AKAP6: variants seen among roughly 807,000 people sequenced by gnomAD.
AKAP6 encodes the protein A-kinase anchoring protein 6, also known as A-kinase anchor protein 6.
Under a neutral mutation model 188.5 loss-of-function variants are expected in AKAP6, and 58 were observed. The observed-to-expected ratio is 0.31, with a 90% CI of 0.25 to 0.38. The LOEUF (loss-of-function observed/expected upper bound fraction) is 0.38, where lower values mean the gene tolerates loss of function less well. Ranked by LOEUF, AKAP6 falls within the 10% of genes least tolerant of loss-of-function variation. The pLI is 1.00. For synonymous variants in AKAP6, 989 were observed against 998.6 expected (o/e 0.99, Z 0.18); for missense variants, 2,710 against 2,740.0 (o/e 0.99, Z 0.24).
At chr14:32,669,798 G>T (rs1436230887) in intron 7 of AKAP6, among the ~76,000 whole-genome samples, 1 of 152,088 alleles carries the variant, frequency 6.6e-6, no homozygotes, top group Non-Finnish European at 1.5e-5. Flanking sequence ...GAAGTGCCGA[G>T]CAAAAGGGGA....
At chr14:32,707,922 G>A (rs754426307) in intron 9 of AKAP6, among the ~76,000 whole-genome samples, 10 of 151,932 alleles carry the variant, frequency 6.6e-5, no homozygotes, top group Non-Finnish European at 1.3e-4. Context: ...AAAGTAGTAG[G>A]GAAAGAATAA....
chr14:32,557,981 A>G (rs1320458520), intron 4 of AKAP6, among the ~76,000 whole-genome samples: 1 of 152,086 alleles, frequency 6.6e-6, no homozygotes, highest in Non-Finnish European at 1.5e-5. Context: ...ATTACCATTC[A>G]AACTGGAGCC....
chr14:32,467,083 C>G (rs1294552090), intron 2 of AKAP6, among the ~76,000 whole-genome samples: 1 of 151,170 alleles, frequency 6.6e-6, no homozygotes, highest in Non-Finnish European at 1.5e-5. Context: ...GATGGAAAAA[C>G]TACCTGTTGG....
intron 1 of AKAP6, among the ~76,000 whole-genome samples, chr14:32,387,196 A>G (rs914674144): frequency 5.3e-5 from 8 of 152,004 alleles, no homozygotes; most frequent in African/African-American, 1.9e-4. Context: ...TTCTGGAGGA[A>G]TCTTTAGGAT....
intron 1 of AKAP6, among the ~76,000 whole-genome samples, chr14:32,370,054 A>G (rs939594150): frequency 6.6e-6 from 1 of 152,330 alleles, no homozygotes; most frequent in East Asian, 1.9e-4. Context: ...ACAAAAAATT[A>G]TAACCTCCTA....
rs1161911271 is a variant in AKAP6, at chr14:32,795,186, G to C, written c.3588+21293G>C. Among the ~76,000 whole-genome samples the C allele has an allele frequency of 2.6e-5, 4 of 152,266 alleles. No homozygotes were observed. In the East Asian group the frequency reaches 5.8e-4, roughly 22 times the overall value. On this transcript the variant is annotated intron_variant, in intron 12 of 13. Transcript: ENST00000280979. ...AAGCCCAGGACCATTTGGATTCACA[G>C]CTGAATTCTACCAGAGGTACAAAGA...
intron 12 of AKAP6, among the ~76,000 whole-genome samples, chr14:32,798,922 T>G (rs1327100374): frequency 2.6e-5 from 4 of 152,164 alleles, no homozygotes; most frequent in Non-Finnish European, 4.4e-5. Flanking sequence ...AATGGGAGGT[T>G]TAAATGAATT....
intron 1 of AKAP6, among the ~76,000 whole-genome samples, chr14:32,387,762 T>C (rs1000682002): frequency 6.6e-6 from 1 of 151,530 alleles, no homozygotes; most frequent in African/African-American, 2.4e-5. Flanking sequence ...TTGTTAAGGA[T>C]TGTAGCATCT....
At chr14:32,470,656 C>T (rs1056517170) in intron 2 of AKAP6, among the ~76,000 whole-genome samples, 3 of 152,108 alleles carry the variant, frequency 2.0e-5, no homozygotes, top group Non-Finnish European at 4.4e-5. Context: ...TATTTAAGTT[C>T]GGTATGATAG....
intron 5 of AKAP6, among the ~76,000 whole-genome samples, chr14:32,583,858 G>A (rs966847119): frequency 3.3e-5 from 5 of 152,320 alleles, no homozygotes; most frequent in South Asian, 4.1e-4. Flanking sequence ...GGAGTGACCT[G>A]ATTTTCCAGG....
rs184563907 is a variant in AKAP6 at position 32,529,029 on chromosome 14, G to T, written c.325-6525G>T. ...TGTTATCTATAAAATAACTTTCTGGGTTTTTTACTGAGTTGAGGCTGTACA... is the reference window on the plus strand; with the variant it reads ...TGTTATCTATAAAATAACTTTCTGGTTTTTTTACTGAGTTGAGGCTGTACA... On this transcript the variant is annotated intron_variant, in intron 2 of 13. Transcript: ENST00000280979. Among the ~76,000 whole-genome samples the T allele has an allele frequency of 4.7e-3, 718 of 152,196 alleles. 5 individuals carry two copies. Among genetic ancestry groups the T allele is most frequent in the East Asian group, 0.013 (68 of 5,178 alleles).
intron 11 of AKAP6, among the ~76,000 whole-genome samples, chr14:32,742,215 CAAT>C (rs2031711368): frequency 6.6e-6 from 1 of 151,786 alleles, no homozygotes; most frequent in African/African-American, 2.4e-5. Flanking sequence ...GTATCACTTA[CAAT>C]GTTTCTTTTT....
chr14:32,644,020 T>C (rs1017061514), intron 7 of AKAP6, among the ~76,000 whole-genome samples: 1 of 152,228 alleles, frequency 6.6e-6, no homozygotes, highest in Non-Finnish European at 1.5e-5. Context: ...GTGATGCTCA[T>C]GTGTGTACAT....
chr14:32,563,710 T>A (rs1330835722), intron 4 of AKAP6, among the ~76,000 whole-genome samples: 1 of 152,198 alleles, frequency 6.6e-6, no homozygotes, highest in Non-Finnish European at 1.5e-5. Context: ...CTCTTCTCTG[T>A]AAGACTCTGC....
At position 32,396,824 on chromosome 14, in the gene AKAP6, A is replaced by G. The variant is rs9888607; in HGVS notation, c.-34-36636A>G. ...GTAGATTAGGTCAACCATAGAACTC[A>G]CCCTTATGCTGGTTTTCCAGTTACA... is the stretch of plus-strand genomic sequence containing the variant. On this transcript the variant is annotated intron_variant, in intron 1 of 13. Coordinates refer to ENST00000280979, the MANE Select transcript of AKAP6 (RefSeq NM_004274.5). Among the ~76,000 whole-genome samples the G allele has an allele frequency of 8.9e-3, 1,358 of 152,060 alleles. 30 individuals are homozygous for G. The highest frequency in any genetic ancestry group is 0.03 in the African/African-American group (1,258 of 41,500).
At chr14:32,561,277 C>G (rs1370005122) in intron 4 of AKAP6, among the ~76,000 whole-genome samples, 1 of 152,094 alleles carries the variant, frequency 6.6e-6, no homozygotes, top group Non-Finnish European at 1.5e-5. Flanking sequence ...TCCTATGAAT[C>G]TAGGGAATTA....
rs1008848614 is a variant in AKAP6 at position 32,660,105 on chromosome 14, C to T, written c.2731-18206C>T. Among the ~76,000 whole-genome samples the T allele has an allele frequency of 5.9e-5, 9 of 152,068 alleles. 1 individual carries two copies. In the South Asian group the frequency reaches 8.3e-4, roughly 14 times the overall value. The stretch of plus-strand genomic sequence containing the variant: ...GAACCTATGATAGCTGGAAATAAGA[C>T]GTGAATGTGTCCATTAATGAAGAGT... On this transcript the variant is annotated intron_variant, in intron 7 of 13. Transcript: ENST00000280979.
At chr14:32,544,725 A>G (rs1232027239) in intron 3 of AKAP6, among the ~76,000 whole-genome samples, 2 of 152,224 alleles carry the variant, frequency 1.3e-5, no homozygotes, top group African/African-American at 4.8e-5. Flanking sequence ...TCATCAATAT[A>G]TGTTTAACAC....
chr14:32,532,055 C>G (rs188990728), intron 2 of AKAP6, among the ~76,000 whole-genome samples: 6 of 152,282 alleles, frequency 3.9e-5, no homozygotes. Context: ...TTATAAGAAA[C>G]TGCTAACCTG....
Sources: gnomAD v4.1 joint callset for allele counts (sites outside exome capture counted in the v4.1 genomes callset) on GRCh38, gnomAD v4.1.1 for gene constraint, MANE v1.5 for transcripts, NCBI Gene and HGNC (gene_info 2026-07-23, HGNC 2026-07-21) for gene names.